Variants in NCAM2 observed in about 807,000 individuals in gnomAD.
NCAM2 encodes the protein neural cell adhesion molecule 2, also known as N-CAM-2.
Under a neutral mutation model 98.1 loss-of-function variants are expected in NCAM2, and 30 were observed. The observed-to-expected ratio is 0.31, with a 90% CI of 0.23 to 0.41. The LOEUF is 0.41. NCAM2 is among the 10% of genes least tolerant of loss of function. The pLI, the probability that NCAM2 is intolerant of heterozygous loss-of-function variation, is 1.00. For synonymous variants in NCAM2, 368 were observed against 342.4 expected (o/e 1.07, Z -0.83); for missense variants, 867 against 1,005.8 (o/e 0.86, Z 1.87).
intron 9 of NCAM2, among the ~76,000 whole-genome samples, chr21:21,406,470 G>T (rs536186840): frequency 6.4e-4 from 97 of 152,286 alleles, no homozygotes; most frequent in Non-Finnish European, 6.9e-4. Context: ...CTACTGGCAA[G>T]CCAGGGACAG....
chr21:21,303,219 A>G lies in NCAM2; in HGVS notation c.619+10978A>G, dbSNP rs1442578217. On this transcript the variant is annotated intron_variant, in intron 5 of 17. Coordinates refer to ENST00000400546, the MANE Select transcript of NCAM2 (RefSeq NM_004540.5). ...ACATGTACCCCTGTATCTAAAGTTG[A>G]AAAAAAAAAGAATATAAAGCTTTAA... Among the ~76,000 whole-genome samples, 17 of 71,006 alleles carry G rather than the reference A, an allele frequency of 2.4e-4. No homozygotes were observed. The Admixed American group carries it at 2.7e-3, about 11-fold the overall frequency. 46.6% of individuals were successfully genotyped at this position (71,006 alleles called of 152,430 possible).
At chr21:21,525,136 G>A (rs1041357903) in intron 16 of NCAM2, among the ~76,000 whole-genome samples, 11 of 151,940 alleles carry the variant, frequency 7.2e-5, no homozygotes, top group African/African-American at 2.4e-4. Context: ...AAAGTAAGCA[G>A]AAGAAAACAA....
At chr21:21,330,669 G>A (rs1037675137) in intron 6 of NCAM2, among the ~76,000 whole-genome samples, 2 of 151,810 alleles carry the variant, frequency 1.3e-5, no homozygotes, top group Non-Finnish European at 1.5e-5. Context: ...ATTTTTAAAT[G>A]TGTCTATTTT....
rs1990189020 is a variant in NCAM2, at chr21:21,540,465, T to C, written c.*2508T>C. On this transcript the variant is annotated 3_prime_UTR_variant, in exon 18 of 18. Coordinates refer to ENST00000400546, the MANE Select transcript of NCAM2 (RefSeq NM_004540.5). ...TCCATGCCATGCTGAAGCAAGGCAA[T>C]ACTGTGATAAAGTATTTTTTTTAAT... 1.3e-5 allele frequency: 2 copies of C among 151,858 alleles called. No homozygotes were observed. The highest frequency in any genetic ancestry group is 4.8e-5 in the African/African-American group (2 of 41,390). 9.4% of individuals were successfully genotyped at this position (151,858 alleles called of 1,614,324 possible).
chr21:21,316,533 CTTTTTTT>C (rs34341259), intron 5 of NCAM2, among the ~76,000 whole-genome samples: 3 of 110,900 alleles, frequency 2.7e-5, no homozygotes, highest in African/African-American at 3.5e-5. Flanking sequence ...ATCTTTTATT[CTTTTTTT>C]TTTTTTTTTT....
intron 1 of NCAM2, chr21:21,210,466 A>G: frequency 8.5e-7 from 1 of 1,182,902 alleles, no homozygotes; most frequent in Non-Finnish European, 1.1e-6. Flanking sequence ...ATTTACTGTA[A>G]GAATTCTTCA....
intron 1 of NCAM2, among the ~76,000 whole-genome samples, chr21:21,160,097 A>G (rs1223438706): frequency 6.6e-6 from 1 of 152,092 alleles, no homozygotes; most frequent in African/African-American, 2.4e-5. Flanking sequence ...TTTCTCAATA[A>G]CAAGTCTTTT....
At chr21:21,202,728 T>G (rs926513530) in intron 1 of NCAM2, among the ~76,000 whole-genome samples, 1 of 152,214 alleles carries the variant, frequency 6.6e-6, no homozygotes, top group Non-Finnish European at 1.5e-5. Context: ...TGCTTTGTTT[T>G]TATGCTATAA....
intron 1 of NCAM2, among the ~76,000 whole-genome samples, chr21:21,197,002 C>G (rs1351166893): frequency 6.6e-6 from 1 of 152,190 alleles, no homozygotes; most frequent in Non-Finnish European, 1.5e-5. Flanking sequence ...ACACCTGCTC[C>G]TGTGTTGCCT....
intron 4 of NCAM2, among the ~76,000 whole-genome samples, chr21:21,287,089 A>G (rs969813703): frequency 1.3e-5 from 2 of 152,012 alleles, no homozygotes; most frequent in Non-Finnish European, 2.9e-5. Context: ...ATAATATGAC[A>G]TCTGAAATCG....
chr21:21,034,055 G>T (rs183007815), intron 1 of NCAM2, among the ~76,000 whole-genome samples: 184 of 151,148 alleles, frequency 1.2e-3, no homozygotes, highest in Non-Finnish European at 2.1e-3. Context: ...TAGGCAAAGG[G>T]GGGGGGGAAA....
intron 1 of NCAM2, among the ~76,000 whole-genome samples, chr21:21,187,058 C>T (rs1428429077): frequency 6.6e-6 from 1 of 151,816 alleles, no homozygotes; most frequent in Non-Finnish European, 1.5e-5. Context: ...GGTGAAACCC[C>T]GTCTCTATTA....
chr21:21,150,066 T>C (rs1177179512), intron 1 of NCAM2, among the ~76,000 whole-genome samples: 2 of 152,074 alleles, frequency 1.3e-5, no homozygotes, highest in Non-Finnish European at 2.9e-5. Context: ...TCCACAGCCT[T>C]CTACTTTTAT....
intron 8 of NCAM2, among the ~76,000 whole-genome samples, chr21:21,371,788 C>T (rs2075920196): frequency 6.6e-6 from 1 of 151,628 alleles, no homozygotes; most frequent in African/African-American, 2.4e-5. Flanking sequence ...TTTAATGCCA[C>T]CAAGGGTAGA....
chr21:21,376,443 A>T (rs1341464224), intron 9 of NCAM2, among the ~76,000 whole-genome samples: 1 of 151,814 alleles, frequency 6.6e-6, no homozygotes, highest in African/African-American at 2.4e-5. Flanking sequence ...TACCATCAAC[A>T]GGAGTTTAAA....
intron 1 of NCAM2, among the ~76,000 whole-genome samples, chr21:21,009,077 G>A (rs749802773): frequency 2.6e-5 from 4 of 152,082 alleles, no homozygotes; most frequent in Non-Finnish European, 5.9e-5. Flanking sequence ...CAATGTACTT[G>A]AATAGAGAGA....
At chr21:21,233,353 T>A (rs936680028) in intron 1 of NCAM2, among the ~76,000 whole-genome samples, 14 of 151,694 alleles carry the variant, frequency 9.2e-5, no homozygotes, top group African/African-American at 3.4e-4. Flanking sequence ...GTTTATGTCA[T>A]TTAAACTGGA....
chr21:21,518,981 G>A (rs1053467640), intron 16 of NCAM2, among the ~76,000 whole-genome samples: 4 of 152,094 alleles, frequency 2.6e-5, no homozygotes, highest in African/African-American at 9.7e-5. Context: ...TTAAGGGTGG[G>A]TAATAAGGAG....
At chr21:21,405,473 G>A (rs529030937) in intron 9 of NCAM2, among the ~76,000 whole-genome samples, 1 of 152,146 alleles carries the variant, frequency 6.6e-6, no homozygotes, top group African/African-American at 2.4e-5. Flanking sequence ...AAATTATACA[G>A]TAAAAGTATT....
Sources: allele counts gnomAD v4.1 joint callset (sites outside exome capture counted in the v4.1 genomes callset), GRCh38; gene constraint gnomAD v4.1.1; transcripts MANE v1.5; gene names NCBI Gene and HGNC (gene_info 2026-07-23, HGNC 2026-07-21).